Variants in SPAG17 observed in about 807,000 individuals in gnomAD.
The protein encoded by SPAG17 is sperm-associated antigen 17.
SPAG17 carries 169 observed loss-of-function variants against 273.6 expected under a neutral mutation model. That is an observed-to-expected ratio of 0.62 (90% CI 0.55 to 0.70). The LOEUF is 0.70. SPAG17 is among the 30% of genes least tolerant of loss of function. The pLI, the probability that SPAG17 is intolerant of heterozygous loss-of-function variation, is 0.00. For missense variants in SPAG17, 2,557 were observed against 2,627.8 expected, an observed-to-expected ratio of 0.97 and a Z score of 0.59; for synonymous variants, 825 against 873.2, an observed-to-expected ratio of 0.94 and a Z score of 0.97.
intron 1 of SPAG17, among the ~76,000 whole-genome samples, chr1:118,159,664 G>A (rs2153978): frequency 0.23 from 34,434 of 152,070 alleles, 4,348 homozygotes; most frequent in East Asian, 0.46. Context: ...TCTTTGTACC[G>A]TGTAGCCTCT....
At chr1:118,063,372 G>T (rs1316236331) in intron 18 of SPAG17, among the ~76,000 whole-genome samples, 1 of 152,114 alleles carries the variant, frequency 6.6e-6, no homozygotes, top group Non-Finnish European at 1.5e-5. Context: ...GCATGGTACT[G>T]GTACCAAAAC....
intron 27 of SPAG17, among the ~76,000 whole-genome samples, chr1:118,024,467 A>G (rs1337926066): frequency 2.0e-5 from 3 of 151,964 alleles, no homozygotes; most frequent in Non-Finnish European, 4.4e-5. Flanking sequence ...ATTTAATTTC[A>G]GGTGCTATTT....
chr1:118,142,842 T>C (rs1357001429), intron 3 of SPAG17, among the ~76,000 whole-genome samples: 1 of 152,200 alleles, frequency 6.6e-6, no homozygotes, highest in Non-Finnish European at 1.5e-5. Context: ...GGTATATCGC[T>C]CACCAAACTA....
intron 1 of SPAG17, among the ~76,000 whole-genome samples, chr1:118,158,161 A>G (rs1466794376): frequency 6.6e-6 from 1 of 152,244 alleles, no homozygotes; most frequent in Admixed American, 6.5e-5. Context: ...AAAATTCTAA[A>G]GGAATGTATA....
intron 5 of SPAG17, among the ~76,000 whole-genome samples, chr1:118,100,785 ATTAC>A (rs944822379): frequency 3.9e-5 from 6 of 152,336 alleles, no homozygotes; most frequent in Admixed American, 2.0e-4. Context: ...GCAGGAATGA[ATTAC>A]TTACAGCTGC....
At chr1:118,091,396 C>T (rs1655360270) in intron 10 of SPAG17, among the ~76,000 whole-genome samples, 1 of 152,130 alleles carries the variant, frequency 6.6e-6, no homozygotes, top group South Asian at 2.1e-4. Flanking sequence ...GGGAATGTTA[C>T]ATAAATGGCT....
At chr1:118,051,544 T>TACAC (rs147508671) in intron 20 of SPAG17, among the ~76,000 whole-genome samples, 42 of 148,464 alleles carry the variant, frequency 2.8e-4, no homozygotes, top group East Asian at 1.2e-3. Flanking sequence ...AAATTTGAGA[T>TACAC]ACACACACAC....
At chr1:118,057,847 T>G (rs1023870149) in intron 18 of SPAG17, among the ~76,000 whole-genome samples, 9 of 151,646 alleles carry the variant, frequency 5.9e-5, no homozygotes, top group African/African-American at 2.2e-4. Flanking sequence ...AATTAAAATT[T>G]TTTTTTTGTA....
intron 18 of SPAG17, among the ~76,000 whole-genome samples, chr1:118,056,939 C>G (rs1651750435): frequency 6.6e-6 from 1 of 151,908 alleles, no homozygotes; most frequent in Non-Finnish European, 1.5e-5. Flanking sequence ...GGTCAAATAC[C>G]CTGATGTTCT....
chr1:117,972,530 T>G (rs966068542), intron 44 of SPAG17, among the ~76,000 whole-genome samples: 1 of 152,232 alleles, frequency 6.6e-6, no homozygotes, highest in Non-Finnish European at 1.5e-5. Context: ...TTGAGAAACA[T>G]TGGTCTGTGC....
chr1:118,104,553 T>C (rs925883250), intron 4 of SPAG17, among the ~76,000 whole-genome samples: 4 of 152,096 alleles, frequency 2.6e-5, no homozygotes, highest in African/African-American at 4.8e-5. Context: ...ATGGGTGAAG[T>C]TTCTTGAGAA....
chr1:118,178,875 C>A (rs1261609759), intron 1 of SPAG17, among the ~76,000 whole-genome samples: 1 of 151,478 alleles, frequency 6.6e-6, no homozygotes, highest in Non-Finnish European at 1.5e-5. Context: ...TGATAAAATG[C>A]CTAGGAATCA....
intron 3 of SPAG17, among the ~76,000 whole-genome samples, chr1:118,138,125 A>G (rs1201820525): frequency 1.3e-5 from 2 of 152,190 alleles, no homozygotes; most frequent in African/African-American, 4.8e-5. Context: ...GTTGTGAACA[A>G]TAAGTGAGGT....
chr1:118,067,723 G>T (rs1449650089), intron 17 of SPAG17, among the ~76,000 whole-genome samples: 1 of 152,128 alleles, frequency 6.6e-6, no homozygotes, highest in African/African-American at 2.4e-5. Flanking sequence ...CATTTTTTCA[G>T]CATAAATTGA....
intron 3 of SPAG17, among the ~76,000 whole-genome samples, chr1:118,125,399 T>C (rs992894314): frequency 6.6e-6 from 1 of 152,150 alleles, no homozygotes; most frequent in Non-Finnish European, 1.5e-5. Flanking sequence ...CAAAATCTTC[T>C]TTTTTAGCTA....
Position 118,026,934 on chromosome 1 carries a change from G to C in SPAG17, c.3730+1340C>G, listed in dbSNP as rs148625461. ...TCAGACTTGAATTAGGATTTTCATA[G>C]TATATGGAAGATTTTAAACAGATGA... On this transcript the variant is annotated intron_variant, in intron 26 of 48. Transcript: ENST00000336338. Among the ~76,000 whole-genome samples, 147 of 152,258 alleles carry C rather than the reference G, an allele frequency of 9.7e-4. 2 individuals carry two copies. Among genetic ancestry groups the C allele is most frequent in the African/African-American group, 3.5e-3 (144 of 41,566 alleles).
In SPAG17 at chr1:118,005,498, C is replaced by T. The variant is rs760333950; in HGVS notation, c.4692G>A (p.Glu1564=). ...SNIYYPFQKR[E]QLRAGRYIMR... is the part of the protein sequence containing the mutation. Reference sequence around the variant, plus strand: ...TGATGTACCTGCCAGCTCGCAGCTGCTCACGCTTTTGAAAAGGATAGTATA... The same window carrying T: ...TGATGTACCTGCCAGCTCGCAGCTGTTCACGCTTTTGAAAAGGATAGTATA... The change falls in exon 32 of 49, where the codon GAG becomes GAA. Residue 1564 remains glutamate, a synonymous_variant. Coordinates refer to ENST00000336338, the MANE Select transcript of SPAG17 (RefSeq NM_206996.4). 58 of 1,613,514 alleles carry T rather than the reference C, an allele frequency of 3.6e-5. No homozygotes were observed. The highest frequency in any genetic ancestry group is 1.1e-4 in the East Asian group (5 of 44,880).
intron 40 of SPAG17, among the ~76,000 whole-genome samples, chr1:117,985,218 G>T (rs375807633): frequency 2.6e-5 from 4 of 152,200 alleles, no homozygotes; most frequent in Non-Finnish European, 1.5e-5. Context: ...GGCATGATTT[G>T]TGAATAATGT....
At chr1:118,079,248 G>A (rs1297770314) in intron 15 of SPAG17, among the ~76,000 whole-genome samples, 1 of 151,970 alleles carries the variant, frequency 6.6e-6, no homozygotes, top group Non-Finnish European at 1.5e-5. Flanking sequence ...TAATTAATTG[G>A]ATATAAGACT....
Sources: gnomAD v4.1 joint callset for allele counts (sites outside exome capture counted in the v4.1 genomes callset) on GRCh38, gnomAD v4.1.1 for gene constraint, MANE v1.5 for transcripts, NCBI Gene and HGNC (gene_info 2026-07-23, HGNC 2026-07-21) for gene names.